Variants in TSNARE1 observed in about 807,000 individuals in gnomAD.
The protein encoded by TSNARE1 is t-SNARE domain-containing protein 1.
A neutral mutation model predicts 62.0 loss-of-function variants in TSNARE1; 49 were observed. That is an observed-to-expected ratio of 0.79 (90% CI 0.63 to 1.00). The LOEUF is 1.00. Among genes scored for constraint, TSNARE1 ranks in the 50% least tolerant of loss-of-function variants. The probability of loss-of-function intolerance (pLI) is 0.00; values close to 1 mark genes in which losing one functional copy is unlikely to be tolerated. For missense variants in TSNARE1, 755 were observed against 700.1 expected (o/e 1.08, Z -0.88); for synonymous variants, 328 against 294.4 (o/e 1.11, Z -1.17).
intron 1 of TSNARE1, among the ~76,000 whole-genome samples, chr8:142,388,155 C>A (rs1837231416): frequency 6.6e-6 from 1 of 152,022 alleles, no homozygotes; most frequent in South Asian, 2.1e-4. Flanking sequence ...AGAAAAAAAT[C>A]ATATGATCAC....
At position 142,291,788 on chromosome 8, in the gene TSNARE1, G is replaced by A. The variant is rs963454109; in HGVS notation, c.1291-7303C>T. ...GGCCTGCCAGTGAAAGGGAGCCAGC[G>A]GCTCAGGCGTCAGGCATAGGGTGCT... On this transcript the variant is annotated intron_variant, in intron 10 of 13. Coordinates refer to ENST00000524325, the MANE Select transcript of TSNARE1 (RefSeq NM_145003.5). This position sits in a 1 kb window ranked among gnomAD's most constrained non-coding sequence, Gnocchi z 4.8. Among the ~76,000 whole-genome samples, 18 of 152,112 alleles carry A rather than the reference G, an allele frequency of 1.2e-4. No homozygotes were observed. The highest frequency in any genetic ancestry group is 1.9e-4 in the Non-Finnish European group (13 of 68,008).
intron 12 of TSNARE1, chr8:142,271,050 T>A (rs1819482804): frequency 1.0e-6 from 1 of 985,768 alleles, no homozygotes; most frequent in Admixed American, 6.1e-5. Context: ...GAGGCCCTGC[T>A]CCTGCCCTTT....
At chr8:142,269,807 G>A in intron 12 of TSNARE1, 1 of 985,452 alleles carries the variant, frequency 1.0e-6, no homozygotes, top group Non-Finnish European at 1.2e-6. Flanking sequence ...ACCCATAGAA[G>A]GGGTAGCCTG....
intron 4 of TSNARE1, among the ~76,000 whole-genome samples, chr8:142,338,417 C>T (rs1209205403): frequency 1.3e-5 from 2 of 152,238 alleles, no homozygotes; most frequent in Non-Finnish European, 2.9e-5. Flanking sequence ...CCCACACAGC[C>T]ACTCCACAGT....
chr8:142,378,470 A>G (rs1273495491), intron 1 of TSNARE1, among the ~76,000 whole-genome samples: 1 of 152,184 alleles, frequency 6.6e-6, no homozygotes, highest in East Asian at 1.9e-4. Context: ...TGTGTGTCCT[A>G]CTGTGTGTTA....
At chr8:142,330,086 C>T (rs531123643) in intron 6 of TSNARE1, among the ~76,000 whole-genome samples, 2 of 152,360 alleles carry the variant, frequency 1.3e-5, no homozygotes, top group South Asian at 2.1e-4. Context: ...AGGACAACGT[C>T]CCAGTGCAGT....
intron 1 of TSNARE1, among the ~76,000 whole-genome samples, chr8:142,400,507 G>A (rs1477949792): frequency 5.9e-5 from 9 of 151,922 alleles, no homozygotes; most frequent in South Asian, 4.2e-4. Context: ...TTGGGAGGCC[G>A]AGGTGGGTGG....
At chr8:142,396,463 G>A (rs1587153821) in intron 1 of TSNARE1, among the ~76,000 whole-genome samples, 2 of 152,202 alleles carry the variant, frequency 1.3e-5, no homozygotes, top group East Asian at 1.9e-4. Context: ...GTGAACCCCT[G>A]CCACACTCTG....
chr8:142,308,404 G>T (rs927868685), intron 9 of TSNARE1, among the ~76,000 whole-genome samples: 1 of 152,188 alleles, frequency 6.6e-6, no homozygotes, highest in Admixed American at 6.5e-5. Context: ...CGTTTGCAAA[G>T]GGTCCTTTTT....
At chr8:142,331,938 C>T in intron 4 of TSNARE1, 107 bp from the exon 5 acceptor site, 1 of 1,121,504 alleles carries the variant, frequency 8.9e-7, no homozygotes, top group Non-Finnish European at 1.3e-6. Flanking sequence ...ACCCGACAGG[C>T]AGCAGAGTGG....
intron 12 of TSNARE1, among the ~76,000 whole-genome samples, chr8:142,233,172 C>T (rs890672825): frequency 3.3e-5 from 5 of 152,226 alleles, no homozygotes; most frequent in African/African-American, 4.8e-5. Flanking sequence ...TGCAGAGGGA[C>T]CTTCCTTAAC....
chr8:142,385,874 T>G (rs560276773), intron 1 of TSNARE1, among the ~76,000 whole-genome samples: 3 of 152,218 alleles, frequency 2.0e-5, no homozygotes, highest in Non-Finnish European at 4.4e-5. Context: ...GAAGTCCAGC[T>G]GGGCCATGTT....
chr8:142,255,997 A>G (rs1818495710), intron 12 of TSNARE1, among the ~76,000 whole-genome samples: 1 of 133,784 alleles, frequency 7.5e-6, no homozygotes, highest in Admixed American at 7.6e-5. Flanking sequence ...CACCGTCACC[A>G]TCACCACCAC....
chr8:142,241,300 T>A (rs1399525517), intron 12 of TSNARE1, among the ~76,000 whole-genome samples: 2 of 152,164 alleles, frequency 1.3e-5, no homozygotes, highest in African/African-American at 4.8e-5. Context: ...GGAGTACATT[T>A]AAGGAAGGGG....
At chr8:142,301,597 G>A (rs1159871508) in intron 9 of TSNARE1, among the ~76,000 whole-genome samples, 2 of 152,232 alleles carry the variant, frequency 1.3e-5, no homozygotes, top group Non-Finnish European at 2.9e-5. Context: ...AGGAAGGTGT[G>A]TGTGGTTATG....
intron 1 of TSNARE1, among the ~76,000 whole-genome samples, chr8:142,366,930 G>A (rs1835589987): frequency 6.6e-6 from 1 of 152,192 alleles, no homozygotes; most frequent in Admixed American, 6.5e-5. Context: ...AAAGTATCAG[G>A]ATATAAAATT....
chr8:142,316,511 T>C (rs557434121), intron 7 of TSNARE1, among the ~76,000 whole-genome samples: 37 of 151,858 alleles, frequency 2.4e-4, no homozygotes, highest in Non-Finnish European at 4.9e-4. Flanking sequence ...GTTTTATTAC[T>C]GTCTAATTTA....
intron 1 of TSNARE1, among the ~76,000 whole-genome samples, chr8:142,384,014 T>C (rs1040270694): frequency 6.6e-6 from 1 of 152,152 alleles, no homozygotes; most frequent in Non-Finnish European, 1.5e-5. Flanking sequence ...AGGGGTGCAG[T>C]GCAGCACCTG....
Position 142,229,546 on chromosome 8 carries a change from A to C in TSNARE1, c.1480T>G (p.Ser494Ala), listed in dbSNP as rs1817004289. The change falls in exon 13 of 14, where the codon TCA (serine) becomes GCA (alanine). Residue 494 changes from serine (S) to alanine (A), a missense_variant. Ser to Ala is a moderately conservative substitution (Grantham distance 99). Coordinates refer to ENST00000524325, the MANE Select transcript of TSNARE1 (RefSeq NM_145003.5). ...QRHKIKCCFL[S>A]AGVTALLVII... is the part of the protein sequence containing the mutation. ...ACAAGCAGGGCAGTGACTCCAGCTG[A>C]TAGGAAGCAGCACTTGATCTTGTGT... The C allele has an allele frequency of 2.5e-6, 4 of 1,613,928 alleles. No homozygotes were observed. The highest frequency in any genetic ancestry group is 3.4e-6 in the Non-Finnish European group (4 of 1,179,994).
Sources: allele counts gnomAD v4.1 joint callset (sites outside exome capture counted in the v4.1 genomes callset), GRCh38; gene constraint gnomAD v4.1.1; non-coding constraint Gnocchi (gnomAD v3.1); transcripts MANE v1.5; gene names NCBI Gene and HGNC (gene_info 2026-07-23, HGNC 2026-07-21).